Variants in FRMD4A observed in about 807,000 individuals in gnomAD.
The protein encoded by FRMD4A is FERM domain containing 4A.
Under a neutral mutation model 129.1 loss-of-function variants are expected in FRMD4A, and 29 were observed. The ratio of observed to expected loss-of-function variants is 0.22; its 90% confidence interval spans 0.17 to 0.31. FRMD4A has a LOEUF of 0.31. Ranked by LOEUF, FRMD4A falls within the 10% of genes least tolerant of loss-of-function variation. The probability of loss-of-function intolerance (pLI) is 1.00; values close to 1 mark genes in which losing one functional copy is unlikely to be tolerated. For missense variants in FRMD4A, 1,272 were observed against 1,375.8 expected (o/e 0.92, Z 1.19); for synonymous variants, 634 against 571.6 (o/e 1.11, Z -1.56).
intron 2 of FRMD4A, among the ~76,000 whole-genome samples, chr10:14,110,748 C>T (rs1253539112): frequency 6.6e-6 from 1 of 152,230 alleles, no homozygotes; most frequent in East Asian, 1.9e-4. Context: ...ATCTGCCAAA[C>T]ATACCTCAGA....
intron 2 of FRMD4A, among the ~76,000 whole-genome samples, chr10:14,049,361 G>C (rs1177804319): frequency 1.3e-5 from 2 of 152,140 alleles, no homozygotes. Context: ...TTTCCAAACA[G>C]GTTGAGAACA....
chr10:14,138,089 C>A (rs1174888100), intron 2 of FRMD4A, among the ~76,000 whole-genome samples: 6 of 152,164 alleles, frequency 3.9e-5, no homozygotes, highest in African/African-American at 1.4e-4. Flanking sequence ...ACATCTTTAC[C>A]TAAAAGGAAT....
At chr10:13,846,224 A>C (rs2094043292) in intron 3 of FRMD4A, among the ~76,000 whole-genome samples, 1 of 152,244 alleles carries the variant, frequency 6.6e-6, no homozygotes, top group Non-Finnish European at 1.5e-5. Flanking sequence ...ATTCAGGTTC[A>C]ATCTATTAGG....
At chr10:14,330,573 A>G in intron 1 of FRMD4A, 24 bp downstream of exon 1, 1 of 405,424 alleles carries the variant, frequency 2.5e-6, no homozygotes, top group East Asian at 3.5e-5. Context: ...CTGCTGCATA[A>G]ACATGCTGAA....
At chr10:14,038,093 C>T (rs565636205) in intron 2 of FRMD4A, among the ~76,000 whole-genome samples, 3 of 152,136 alleles carry the variant, frequency 2.0e-5, no homozygotes, top group East Asian at 1.9e-4. Context: ...GAGGCCGAGG[C>T]GGGTGGATCA....
chr10:13,713,713 G>A (rs894110923), intron 12 of FRMD4A, among the ~76,000 whole-genome samples: 12 of 149,780 alleles, frequency 8.0e-5, no homozygotes, highest in African/African-American at 3.0e-4. Context: ...CCCTGGTAAG[G>A]TTTTGCTATT....
chr10:14,131,398 C>CCG (rs1554767029), intron 2 of FRMD4A, among the ~76,000 whole-genome samples: 8 of 144,570 alleles, frequency 5.5e-5, no homozygotes, highest in African/African-American at 2.3e-4. Flanking sequence ...CTCACTGTGC[C>CCG]CCCCCCGGCC....
At chr10:13,648,579 T>G (rs527688542) in intron 24 of FRMD4A, 21 of 152,272 alleles carry the variant, frequency 1.4e-4, no homozygotes, top group African/African-American at 4.8e-4. Context: ...GCCACGTGCC[T>G]GAGCAGCTTT....
At chr10:14,301,150 A>C (rs1438596489) in intron 2 of FRMD4A, among the ~76,000 whole-genome samples, 1 of 152,232 alleles carries the variant, frequency 6.6e-6, no homozygotes, top group Non-Finnish European at 1.5e-5. Flanking sequence ...CAGGAAAGTA[A>C]CATTGGTCCT....
At chr10:14,202,188 A>C (rs1842657638) in intron 2 of FRMD4A, among the ~76,000 whole-genome samples, 1 of 151,792 alleles carries the variant, frequency 6.6e-6, no homozygotes, top group African/African-American at 2.4e-5. Context: ...TGGTAAACTA[A>C]GTCAGTGGTG....
At chr10:13,962,174 C>A (rs1010232044) in intron 2 of FRMD4A, among the ~76,000 whole-genome samples, 6 of 152,218 alleles carry the variant, frequency 3.9e-5, no homozygotes, top group Non-Finnish European at 8.8e-5. Context: ...TTGAAAGAGA[C>A]TACTCCGAAT....
chr10:13,833,146 A>T (rs1021921998), intron 3 of FRMD4A, among the ~76,000 whole-genome samples: 11 of 152,102 alleles, frequency 7.2e-5, no homozygotes, highest in Non-Finnish European at 1.5e-4. Flanking sequence ...ACTGTATTAG[A>T]CTGTTCTCAC....
chr10:14,268,019 C>T (rs1845037277), intron 2 of FRMD4A, among the ~76,000 whole-genome samples: 1 of 152,020 alleles, frequency 6.6e-6, no homozygotes, highest in Non-Finnish European at 1.5e-5. Context: ...AATAATACGC[C>T]ACCTATTTCA....
intron 2 of FRMD4A, among the ~76,000 whole-genome samples, chr10:14,257,670 A>G (rs1337423341): frequency 6.6e-6 from 1 of 152,236 alleles, no homozygotes; most frequent in African/African-American, 2.4e-5. Context: ...AGAGACACGG[A>G]AACATACACA....
At chr10:14,236,096 T>A (rs1343183527) in intron 2 of FRMD4A, among the ~76,000 whole-genome samples, 1 of 152,220 alleles carries the variant, frequency 6.6e-6, no homozygotes, top group Admixed American at 6.5e-5. Context: ...CTTTCTTTCC[T>A]ATTCTTGACG....
intron 2 of FRMD4A, among the ~76,000 whole-genome samples, chr10:14,159,267 A>T (rs1218016888): frequency 6.6e-6 from 1 of 152,226 alleles, no homozygotes; most frequent in Non-Finnish European, 1.5e-5. Context: ...TTTGAGCCAC[A>T]TTGCTAATTT....
At chr10:14,220,486 C>T (rs918501722) in intron 2 of FRMD4A, among the ~76,000 whole-genome samples, 1 of 152,144 alleles carries the variant, frequency 6.6e-6, no homozygotes, top group Non-Finnish European at 1.5e-5. Flanking sequence ...CCAGGATGAC[C>T]CCATCTCTAT....
rs545061289 is a variant in FRMD4A at position 14,027,268 on chromosome 10, A to C, written c.46-168356T>G. Among the ~76,000 whole-genome samples, 8 of 151,610 alleles carry C rather than the reference A, an allele frequency of 5.3e-5. No individual in the cohort carries two copies. The East Asian group carries it at 1.5e-3, about 29-fold the overall frequency. On this transcript the variant is annotated intron_variant, in intron 2 of 24. Transcript: ENST00000357447. ...ATTGTTTCCATTTAAAGCAGTTGCC[A>C]AGAGAGAGTTGAGTCTCCCAGTCTC...
At chr10:13,894,083 C>G (rs1449529334) in intron 2 of FRMD4A, among the ~76,000 whole-genome samples, 1 of 152,100 alleles carries the variant, frequency 6.6e-6, no homozygotes, top group African/African-American at 2.4e-5. Flanking sequence ...AGCCTGTCCT[C>G]ATAACTACCT....
Sources: allele counts gnomAD v4.1 joint callset (sites outside exome capture counted in the v4.1 genomes callset), GRCh38; gene constraint gnomAD v4.1.1; transcripts MANE v1.5; gene names NCBI Gene and HGNC (gene_info 2026-07-23, HGNC 2026-07-21).